The following TNNT1 variants were observed in gnomAD, a reference collection of about 807,000 sequenced individuals.
TNNT1 encodes the protein troponin T, slow skeletal muscle.
TNNT1 carries 53 observed loss-of-function variants against 50.6 expected under a neutral mutation model. The observed-to-expected ratio is 1.05, with a 90% confidence interval of 0.84 to 1.32. TNNT1 has a LOEUF of 1.32. Ranked by LOEUF, TNNT1 falls within the 40% of genes most tolerant of loss-of-function variation. The pLI is 0.00. For missense variants in TNNT1, 348 were observed against 381.7 expected (o/e 0.91, Z 0.74); for synonymous variants, 142 against 138.0 (o/e 1.03, Z -0.20).
intron 11 of TNNT1, among the ~76,000 whole-genome samples, chr19:55,135,939 C>T (rs2085340352): frequency 6.6e-6 from 1 of 152,206 alleles, no homozygotes; most frequent in African/African-American, 2.4e-5. Context: ...AGTGTCCCCA[C>T]ACGGGTAGTT....
intron 10 of TNNT1, 123 bp downstream of exon 10, chr19:55,137,838 G>T: frequency 8.0e-7 from 1 of 1,244,008 alleles, no homozygotes; most frequent in Non-Finnish European, 1.2e-6. Context: ...TCAGGGCCCA[G>T]CCCCTCCTCC....
At chr19:55,135,481 C>T (rs189515112) in intron 11 of TNNT1, 5 of 334,972 alleles carry the variant, frequency 1.5e-5, no homozygotes, top group East Asian at 2.8e-4. Context: ...CACAGCTCAC[C>T]GCAGTCTCAA....
At chr19:55,143,552 G>A (rs541283671) in intron 6 of TNNT1, among the ~76,000 whole-genome samples, 4 of 152,216 alleles carry the variant, frequency 2.6e-5, no homozygotes, top group African/African-American at 9.6e-5. Flanking sequence ...GTGTACAGCA[G>A]GGCCGTCATC....
intron 8 of TNNT1, 63 bp downstream of exon 8, chr19:55,141,123 C>T (rs2085444841): frequency 2.0e-6 from 3 of 1,497,030 alleles, no homozygotes; most frequent in African/African-American, 2.8e-5. Flanking sequence ...TCTGCATCTC[C>T]CAAGATGCAA....
rs2085459431 is a variant in TNNT1, at chr19:55,141,728, C to T, written c.192+129G>A. ...CGAACTCCTGACCTCAGGTGGGTCA[C>T]CTCAGCCTCCCAAAGTGCTGGGATT... On this transcript the variant is annotated intron_variant, in intron 7 of 13. Coordinates refer to ENST00000588981, the MANE Select transcript of TNNT1 (RefSeq NM_003283.6). 5.5e-6 allele frequency: 6 copies of T among 1,090,140 alleles called. No individual in the cohort carries two copies. In the South Asian group the frequency reaches 7.5e-5, roughly 14 times the overall value. 67.5% of individuals were successfully genotyped at this position (1,090,140 alleles called of 1,614,324 possible).
At chr19:55,133,775 A>C (rs547133325) in intron 13 of TNNT1, 112 bp downstream of exon 13, 1 of 1,224,434 alleles carries the variant, frequency 8.2e-7, no homozygotes, top group East Asian at 2.3e-5. Flanking sequence ...ACAAAGAGAA[A>C]GGGGCAGAAA....
In TNNT1 at chr19:55,134,169, G is replaced by A. The variant is rs1414740144; in HGVS notation, c.647C>T (p.Ser216Phe). 1 of 1,593,460 alleles carries A rather than the reference G, an allele frequency of 6.3e-7. No individual in the cohort carries two copies. The highest frequency in any genetic ancestry group is 8.5e-7 in the Non-Finnish European group (1 of 1,170,326). The part of the protein sequence containing the change: ...RSAWLPPSQP[S>F]CPAREKAQEL... Reference sequence around the variant, plus strand: ...CTGGGCTTTCTCCCTGGCAGGGCAGGAGGGCTGTGATGGAGGCAGCCAGGC... The same window carrying A: ...CTGGGCTTTCTCCCTGGCAGGGCAGAAGGGCTGTGATGGAGGCAGCCAGGC... Residue 216 changes from serine to phenylalanine, a missense_variant, in exon 12 of 14, where the codon TCC (serine) becomes TTC (phenylalanine). Around this residue, in one of 3 missense-constraint regions of TNNT1, gnomAD observed 253 missense variants for 291.8 expected, o/e 0.87. Coordinates refer to ENST00000588981, the MANE Select transcript of TNNT1 (RefSeq NM_003283.6).
At chr19:55,137,723 GC>G (rs2085377126) in intron 10 of TNNT1, among the ~76,000 whole-genome samples, 1 of 141,316 alleles carries the variant, frequency 7.1e-6, no homozygotes, top group African/African-American at 2.7e-5. Flanking sequence ...AGGCGTCCAG[GC>G]CCTCAGCCCC....
chr19:55,146,328 G>A, intron 5 of TNNT1, 106 bp downstream of exon 5: 1 of 753,452 alleles, frequency 1.3e-6, no homozygotes, highest in Non-Finnish European at 1.9e-6. Flanking sequence ...GCGGGTTATG[G>A]GGGCGGAGGG....
intron 1 of TNNT1, among the ~76,000 whole-genome samples, chr19:55,147,683 C>CTGGGGGGGGGGGGGCTGGAGGCT: frequency 1.1e-5 from 1 of 90,416 alleles, no homozygotes; most frequent in Admixed American, 1.1e-4. Context: ...GGGCTGGGGT[C>CTGGGGGGGGGGGGGCTGGAGGCT]TGGACTCCTG....
Position 55,138,144 on chromosome 19 carries a change from G to A in TNNT1, c.388-70C>T. 3.7e-6 allele frequency: 6 copies of A among 1,611,540 alleles called. No individual in the cohort carries two copies. The South Asian group carries it at 5.5e-5, about 15-fold the overall frequency. On this transcript the variant is annotated intron_variant, in intron 9 of 13. Coordinates refer to ENST00000588981, the MANE Select transcript of TNNT1 (RefSeq NM_003283.6). The stretch of plus-strand genomic sequence containing the variant: ...TGAGGGAGGAGGGCCCTGGGATGTG[G>A]AACTGGGGCACAGGGATCAGCAGAC...
intron 4 of TNNT1, 48 bp downstream of exon 4, chr19:55,146,633 C>T: frequency 3.4e-6 from 3 of 893,438 alleles, no homozygotes; most frequent in Non-Finnish European, 5.1e-6. Flanking sequence ...CCCAGCGTCC[C>T]CGCCCCCCCA....
intron 11 of TNNT1, among the ~76,000 whole-genome samples, chr19:55,134,446 G>A (rs1448908853): frequency 6.6e-6 from 1 of 151,700 alleles, no homozygotes; most frequent in Non-Finnish European, 1.5e-5. Context: ...AGCACTTTGG[G>A]AGGCAGAGGC....
At chr19:55,146,634 C>T (rs1164666562) in intron 4 of TNNT1, 47 bp downstream of exon 4, 4 of 1,002,360 alleles carry the variant, frequency 4.0e-6, no homozygotes, top group South Asian at 1.6e-5. Context: ...CCAGCGTCCC[C>T]GCCCCCCCAC....
Position 55,137,085 on chromosome 19 carries a change from G to A in TNNT1, c.611+18C>T, listed in dbSNP as rs1174290374. On this transcript the variant is annotated intron_variant, in intron 11 of 13. Transcript: ENST00000588981. ...TCACACCCAGGCCCCTACACCCCGA[G>A]CCCCCCACAGCACCTACCGGAGCTG... 1 of 1,338,564 alleles carries A rather than the reference G, an allele frequency of 7.5e-7. No homozygotes were observed. The highest frequency in any genetic ancestry group is 1.1e-6 in the Non-Finnish European group (1 of 942,298). The allele number at this position is 1,338,564 out of a possible 1,614,324, so 82.9% of individuals were successfully genotyped here.
chr19:55,145,415 G>A lies in TNNT1; in HGVS notation c.128+129C>T, dbSNP rs2085530743. The A allele has an allele frequency of 2.0e-5, 16 of 791,448 alleles. No homozygotes were observed. The Admixed American group carries it at 2.7e-4, about 14-fold the overall frequency. 49.0% of individuals were successfully genotyped at this position (791,448 alleles called of 1,614,324 possible). A position where few individuals can be genotyped will look rare whatever the true frequency, so the allele number is the denominator to read the frequency against. ...GGAAAGGGGGAGGGAGGAGGAGGAG[G>A]AGGAGAAATGTCGACTGCTGTTTCA... On this transcript the variant is annotated intron_variant, in intron 6 of 13. Coordinates refer to ENST00000588981, the MANE Select transcript of TNNT1 (RefSeq NM_003283.6).
At chr19:55,138,284 T>TG (rs1473196643) in intron 9 of TNNT1, among the ~76,000 whole-genome samples, 1 of 151,424 alleles carries the variant, frequency 6.6e-6, no homozygotes, top group Admixed American at 6.6e-5. Flanking sequence ...CCCTCTGTTT[T>TG]TTTTTTTTTT....
Position 55,136,730 on chromosome 19 carries a change from G to C in TNNT1, c.611+373C>G, listed in dbSNP as rs147938354. ...AGGCTGTCTTGGCTATAGATGCGAG[G>C]GACTCAGCTGGAAAATTCTCACCCG... On this transcript the variant is annotated intron_variant, in intron 11 of 13. Coordinates refer to ENST00000588981, the MANE Select transcript of TNNT1 (RefSeq NM_003283.6). Among the ~76,000 whole-genome samples the C allele has an allele frequency of 2.5e-3, 381 of 152,244 alleles. 1 individual carries two copies. Among genetic ancestry groups the C allele is most frequent in the Non-Finnish European group, 4.4e-3 (299 of 68,012 alleles).
At chr19:55,141,076 C>A in intron 8 of TNNT1, 110 bp downstream of exon 8, 2 of 1,491,468 alleles carry the variant, frequency 1.3e-6, no homozygotes, top group East Asian at 2.3e-5. Flanking sequence ...TTCGCGAAAG[C>A]CTAAGGCTCA....
Sources: gnomAD v4.1 joint callset for allele counts (sites outside exome capture counted in the v4.1 genomes callset) on GRCh38, gnomAD v4.1.1 for gene constraint, gnomAD v4.1.1 regional missense constraint, MANE v1.5 for transcripts, NCBI Gene and HGNC (gene_info 2026-07-23, HGNC 2026-07-21) for gene names.